PKD2L2: variants seen among roughly 807,000 people sequenced by gnomAD.
PKD2L2 encodes the protein polycystin 2 like 2, transient receptor potential cation channel, also known as polycystin-2-like protein 2.
PKD2L2 carries 67 observed loss-of-function variants against 83.9 expected under a neutral mutation model. The ratio of observed to expected loss-of-function variants is 0.80; its 90% CI spans 0.66 to 0.98. The LOEUF (loss-of-function observed/expected upper bound fraction) is 0.98, where lower values mean the gene tolerates loss of function less well. Among genes scored for constraint, PKD2L2 ranks in the 50% least tolerant of loss-of-function variants. PKD2L2 has a pLI of 0.00. For synonymous variants in PKD2L2, 223 were observed against 237.8 expected (o/e 0.94, Z 0.57); for missense variants, 632 against 717.2 (o/e 0.88, Z 1.36).
intron 7 of PKD2L2, among the ~76,000 whole-genome samples, 156 bp from the exon 8 acceptor site, chr5:137,908,603 CAGAAGT>C (rs1309873967): frequency 6.6e-6 from 1 of 151,052 alleles, no homozygotes; most frequent in Non-Finnish European, 1.5e-5. Flanking sequence ...AAAAAAAAAA[CAGAAGT>C]TTGGCCTTGT....
At chr5:137,912,669 A>G (rs1757936051) in intron 8 of PKD2L2, among the ~76,000 whole-genome samples, 1 of 150,550 alleles carries the variant, frequency 6.6e-6, no homozygotes, top group Admixed American at 6.6e-5. Context: ...GCCTGGCCTA[A>G]CTTGCATTTT....
At position 137,920,907 on chromosome 5, in the gene PKD2L2, T is replaced by C. The variant is rs755542115; in HGVS notation, c.1329-729T>C. Among the ~76,000 whole-genome samples, 52 of 152,344 alleles carry C rather than the reference T, an allele frequency of 3.4e-4. 1 individual carries two copies. Among genetic ancestry groups the C allele is most frequent in the Admixed American group, 2.2e-3 (33 of 15,304 alleles). On this transcript the variant is annotated intron_variant, in intron 8 of 14. Coordinates refer to ENST00000508883, the MANE Select transcript of PKD2L2 (RefSeq NM_001300921.2). ...TGGTTAAGACAAAAATTCACTTCACTGACATTAGAAAGTTTAGGGCTCTTG... is the reference window on the plus strand; with the variant it reads ...TGGTTAAGACAAAAATTCACTTCACCGACATTAGAAAGTTTAGGGCTCTTG...
chr5:137,940,104 A>G (rs1248169310), intron 14 of PKD2L2: 1 of 1,614,062 alleles, frequency 6.2e-7, no homozygotes, highest in African/African-American at 1.3e-5. Context: ...ACCACAACCA[A>G]GTACAAAATG....
At chr5:137,899,489 C>T in intron 4 of PKD2L2, 27 bp from the exon 5 acceptor site, 3 of 1,349,546 alleles carry the variant, frequency 2.2e-6, no homozygotes, top group Non-Finnish European at 3.2e-6. Flanking sequence ...TTTGTCATTT[C>T]ACCATTATTC....
chr5:137,941,902 T>C (rs1581032497), intron 14 of PKD2L2: 1 of 1,472,540 alleles, frequency 6.8e-7, no homozygotes, highest in East Asian at 2.3e-5. Context: ...AGTTTGTGAG[T>C]TAGAGAAGAA....
intron 12 of PKD2L2, among the ~76,000 whole-genome samples, chr5:137,931,692 C>G (rs55983857): frequency 0.11 from 17,468 of 152,062 alleles, 1,096 homozygotes; most frequent in Non-Finnish European, 0.12. Context: ...TGATCTTATC[C>G]TCTTCACCTT....
intron 5 of PKD2L2, among the ~76,000 whole-genome samples, chr5:137,903,286 C>T (rs545747668): frequency 6.6e-6 from 1 of 152,320 alleles, no homozygotes; most frequent in African/African-American, 2.4e-5. Flanking sequence ...TTTCTGCTTG[C>T]ATCATATTTG....
At chr5:137,906,524 C>A in intron 6 of PKD2L2, 90 bp downstream of exon 6, 1 of 633,230 alleles carries the variant, frequency 1.6e-6, no homozygotes, top group Non-Finnish European at 2.7e-6. Context: ...TTCTATTCAT[C>A]CAGGACTTAT....
chr5:137,925,879 G>A lies in PKD2L2; in HGVS notation c.1621G>A (p.Gly541Ser). The A allele has an allele frequency of 6.3e-7, 1 of 1,592,512 alleles. No homozygotes were observed. The highest frequency in any genetic ancestry group is 8.6e-7 in the Non-Finnish European group (1 of 1,163,700). The change falls in exon 12 of 15, where the codon GGC becomes AGC. Residue 541 changes from glycine to serine, a missense_variant. By Grantham distance (56) the Gly-to-Ser change is moderately conservative. Transcript: ENST00000508883. ...TTTATTTTATATTCTCAATAGCAAAGGCAGCGGAGATTTGGCTGAACAAGC... is the reference window on the plus strand; with the variant it reads ...TTTATTTTATATTCTCAATAGCAAAAGCAGCGGAGATTTGGCTGAACAAGC... ...AQKDEDKKTK[G>S]SGDLAEQARR...
intron 14 of PKD2L2, chr5:137,938,975 T>C (rs1760905204): frequency 6.6e-6 from 1 of 152,204 alleles, no homozygotes; most frequent in South Asian, 2.1e-4. Flanking sequence ...GCTGTTGTAC[T>C]GTTAGCACAA....
rs1430089114 is a variant in PKD2L2, at chr5:137,921,667, T to C, written c.1360T>C (p.Phe454Leu). 5 of 1,599,156 alleles carry C rather than the reference T, an allele frequency of 3.1e-6. No individual in the cohort carries two copies. The highest frequency in any genetic ancestry group is 1.3e-5 in the African/African-American group (1 of 74,286). ...ACAATTTCGAATTGTTCTTGGAGATTTTAATTTTGCTGGTATTCAGCAAGC... is the reference window on the plus strand; with the variant it reads ...ACAATTTCGAATTGTTCTTGGAGATCTTAATTTTGCTGGTATTCAGCAAGC... ...FAQFRIVLGD[F>L]NFAGIQQANP... Residue 454 changes from phenylalanine to leucine, a missense_variant, in exon 9 of 15, where the codon TTT (phenylalanine) becomes CTT (leucine). Phe to Leu is a conservative substitution (Grantham distance 22, BLOSUM62 0). Coordinates refer to ENST00000508883, the MANE Select transcript of PKD2L2 (RefSeq NM_001300921.2).
intron 14 of PKD2L2, chr5:137,939,224 G>A (rs1172075196): frequency 6.6e-6 from 1 of 151,538 alleles, no homozygotes; most frequent in Non-Finnish European, 1.5e-5. Flanking sequence ...AAAATAGGAG[G>A]GGAAAAAAAA....
chr5:137,909,421 T>C (rs1258222554), intron 8 of PKD2L2, among the ~76,000 whole-genome samples: 1 of 152,210 alleles, frequency 6.6e-6, no homozygotes, highest in East Asian at 1.9e-4. Flanking sequence ...TTTTAAGGTG[T>C]TAATAGGTCA....
At chr5:137,902,962 A>G (rs1317107285) in intron 5 of PKD2L2, among the ~76,000 whole-genome samples, 3 of 152,256 alleles carry the variant, frequency 2.0e-5, no homozygotes, top group Non-Finnish European at 4.4e-5. Context: ...ATTCAGAGGT[A>G]AATTGCTGAG....
chr5:137,917,378 G>A (rs1758471983), intron 8 of PKD2L2, among the ~76,000 whole-genome samples: 1 of 151,958 alleles, frequency 6.6e-6, no homozygotes, highest in Non-Finnish European at 1.5e-5. Flanking sequence ...TGGCCAGGCT[G>A]GTCTGGAACT....
At chr5:137,927,559 T>C (rs1216367385) in intron 12 of PKD2L2, among the ~76,000 whole-genome samples, 1 of 152,236 alleles carries the variant, frequency 6.6e-6, no homozygotes, top group Non-Finnish European at 1.5e-5. Flanking sequence ...GAGGATTAGA[T>C]GGTAATAATC....
chr5:137,890,030 A>T (rs1425201850), intron 1 of PKD2L2: 1 of 161,070 alleles, frequency 6.2e-6, no homozygotes, highest in Non-Finnish European at 1.3e-5. Flanking sequence ...CAAGCCTGTA[A>T]TCCCAACACT....
At chr5:137,898,486 G>T (rs1332638482) in intron 4 of PKD2L2, among the ~76,000 whole-genome samples, 1 of 151,902 alleles carries the variant, frequency 6.6e-6, no homozygotes, top group East Asian at 1.9e-4. Context: ...GAAACAACCT[G>T]TTAAAGAAAA....
intron 12 of PKD2L2, among the ~76,000 whole-genome samples, chr5:137,933,602 C>G (rs1219667603): frequency 6.6e-6 from 1 of 152,206 alleles, no homozygotes; most frequent in Non-Finnish European, 1.5e-5. Flanking sequence ...CATTCCGTAT[C>G]ATTCCCTTTG....
Sources: allele counts gnomAD v4.1 joint callset (sites outside exome capture counted in the v4.1 genomes callset), GRCh38; gene constraint gnomAD v4.1.1; transcripts MANE v1.5; gene names NCBI Gene and HGNC (gene_info 2026-07-23, HGNC 2026-07-21).